Variants in DNM3 observed in about 807,000 individuals in gnomAD.
The protein encoded by DNM3 is dynamin-3.
A neutral mutation model predicts 101.6 loss-of-function variants in DNM3; 47 were observed. That is an observed-to-expected ratio of 0.46 (90% CI 0.37 to 0.59). DNM3 has a LOEUF of 0.59. DNM3 is among the 20% of genes least tolerant of loss of function. The pLI is 0.00. For synonymous variants in DNM3, 385 were observed against 387.9 expected (o/e 0.99, Z 0.09); for missense variants, 849 against 1,085.7 (o/e 0.78, Z 3.06).
intron 14 of DNM3, among the ~76,000 whole-genome samples, chr1:172,203,062 A>G (rs981387043): frequency 1.2e-4 from 19 of 152,182 alleles, no homozygotes; most frequent in African/African-American, 4.1e-4. Context: ...GGGCTAACGG[A>G]TCATTAAAAA....
In DNM3 at chr1:172,138,016, A is replaced by G. The variant is rs1364427116; in HGVS notation, c.1659+6728A>G. On this transcript the variant is annotated intron_variant, in intron 14 of 20. Transcript: ENST00000627582. Reference sequence around the variant, plus strand: ...TGAAAGTTTATAGTGATGGAAGCATAGGTTGCAAGTGAATGTGTTGGCCTT... The same window carrying G: ...TGAAAGTTTATAGTGATGGAAGCATGGGTTGCAAGTGAATGTGTTGGCCTT... The G allele has an allele frequency of 2.0e-5, 3 of 152,158 alleles. No homozygotes were observed. In the East Asian group the frequency reaches 5.8e-4, roughly 29 times the overall value. The allele number at this position is 152,158 out of a possible 1,614,324, so 9.4% of individuals were successfully genotyped here. A position where few individuals can be genotyped will look rare whatever the true frequency, so the allele number is the denominator to read the frequency against.
intron 17 of DNM3, among the ~76,000 whole-genome samples, chr1:172,370,991 G>T (rs1042830137): frequency 2.0e-5 from 3 of 151,972 alleles, no homozygotes; most frequent in Admixed American, 1.3e-4. Flanking sequence ...AGAAGTGTTT[G>T]TATCTGTGGG....
chr1:172,208,116 G>T (rs2060384901), intron 14 of DNM3, among the ~76,000 whole-genome samples: 1 of 152,004 alleles, frequency 6.6e-6, no homozygotes, highest in Non-Finnish European at 1.5e-5. Context: ...AAACCCAAGT[G>T]AGAATTTTGA....
intron 1 of DNM3, among the ~76,000 whole-genome samples, chr1:171,892,174 C>CGT (rs1268192738): frequency 6.7e-6 from 1 of 150,236 alleles, no homozygotes; most frequent in South Asian, 2.1e-4. Context: ...TGTGTGTGTG[C>CGT]GTGTGTGTGT....
rs561610793 is a variant in DNM3, at chr1:172,093,790, G to C, written c.1545+915G>C. 5.2e-5 allele frequency: 78 copies of C among 1,497,726 alleles called. No homozygotes were observed. The African/African-American group carries it at 9.6e-4, about 18-fold the overall frequency. The allele number at this position is 1,497,726 out of a possible 1,614,324, so 92.8% of individuals were successfully genotyped here. ...ATTTAGCTTCCCAAGGGCACAGTTT[G>C]TCTTTAACTGATTAACTCAACTAGC... On this transcript the variant is annotated intron_variant, in intron 13 of 20. Coordinates refer to ENST00000627582, the MANE Select transcript of DNM3 (RefSeq NM_015569.5).
chr1:172,312,487 A>G (rs779600643), intron 16 of DNM3, among the ~76,000 whole-genome samples: 1 of 152,204 alleles, frequency 6.6e-6, no homozygotes, highest in Non-Finnish European at 1.5e-5. Context: ...GTAAGGTTAC[A>G]TATGCTCACT....
intron 14 of DNM3, among the ~76,000 whole-genome samples, chr1:172,199,591 C>A (rs1398361916): frequency 6.6e-6 from 1 of 152,042 alleles, no homozygotes; most frequent in Non-Finnish European, 1.5e-5. Flanking sequence ...CTGGGTGCTC[C>A]TGTGTTGGGT....
rs1194031728 is a variant in DNM3, at chr1:171,866,929, C to A, written c.161+25112C>A. ...GATCATGTAGGTATCACTGTCAAAG[C>A]AGTCACACTCAGTTGTACTTTTAGG... On this transcript the variant is annotated intron_variant, in intron 1 of 20. Coordinates refer to ENST00000627582, the MANE Select transcript of DNM3 (RefSeq NM_015569.5). 2.6e-5 allele frequency among the ~76,000 whole-genome samples: 4 copies of A among 152,204 alleles called. 1 individual carries two copies. Among genetic ancestry groups the A allele is most frequent in the Admixed American group, 2.6e-4 (4 of 15,278 alleles).
At chr1:172,160,980 T>G (rs999728897) in intron 14 of DNM3, among the ~76,000 whole-genome samples, 2 of 151,910 alleles carry the variant, frequency 1.3e-5, no homozygotes, top group Admixed American at 6.6e-5. Context: ...TGTTATGTGT[T>G]GCATGATAGT....
At chr1:171,950,260 T>C (rs2042433405) in intron 2 of DNM3, among the ~76,000 whole-genome samples, 1 of 152,150 alleles carries the variant, frequency 6.6e-6, no homozygotes, top group Non-Finnish European at 1.5e-5. Context: ...ACTTACAGGG[T>C]TCAGCTTAAC....
chr1:172,314,092 C>T (rs916866354), intron 16 of DNM3, among the ~76,000 whole-genome samples: 1 of 152,140 alleles, frequency 6.6e-6, no homozygotes, highest in Non-Finnish European at 1.5e-5. Flanking sequence ...TTTGACTCAG[C>T]AATCCCATTA....
chr1:172,306,074 A>G (rs1244787423), intron 15 of DNM3, among the ~76,000 whole-genome samples: 3 of 152,342 alleles, frequency 2.0e-5, no homozygotes, highest in Admixed American at 1.3e-4. Flanking sequence ...TTCAGTTAGG[A>G]AAAGAGGAAG....
At chr1:172,076,678 G>A (rs2125971024) in intron 11 of DNM3, among the ~76,000 whole-genome samples, 1 of 152,272 alleles carries the variant, frequency 6.6e-6, no homozygotes, top group Middle Eastern at 3.4e-3. Context: ...ACTTGATCAT[G>A]GTGGAGAAGC....
intron 2 of DNM3, among the ~76,000 whole-genome samples, chr1:171,951,559 A>C (rs1284253206): frequency 1.3e-5 from 2 of 152,188 alleles, no homozygotes; most frequent in Non-Finnish European, 2.9e-5. Context: ...AGTGAAGACC[A>C]TGCCTTATTT....
At chr1:172,284,225 G>A (rs1454517100) in intron 15 of DNM3, among the ~76,000 whole-genome samples, 2 of 152,106 alleles carry the variant, frequency 1.3e-5, no homozygotes, top group Non-Finnish European at 1.5e-5. Context: ...AAACCACTAG[G>A]AGCTTTGTAA....
At chr1:172,358,911 C>T (rs2067589848) in intron 17 of DNM3, among the ~76,000 whole-genome samples, 1 of 151,912 alleles carries the variant, frequency 6.6e-6, no homozygotes, top group Non-Finnish European at 1.5e-5. Flanking sequence ...AAAAAAAAGC[C>T]ACAGACAGAG....
chr1:172,305,864 T>G (rs1277816006), intron 15 of DNM3, among the ~76,000 whole-genome samples: 1 of 152,160 alleles, frequency 6.6e-6, no homozygotes, highest in Non-Finnish European at 1.5e-5. Flanking sequence ...ATTAACTAGG[T>G]ACTGATGGAA....
At chr1:172,018,090 A>T (rs944596876) in intron 4 of DNM3, among the ~76,000 whole-genome samples, 6 of 151,916 alleles carry the variant, frequency 3.9e-5, no homozygotes, top group Non-Finnish European at 5.9e-5. Flanking sequence ...GTGTGTTTTT[A>T]TATTTAAAGT....
At chr1:172,356,192 T>A (rs907569235) in intron 17 of DNM3, among the ~76,000 whole-genome samples, 1 of 152,110 alleles carries the variant, frequency 6.6e-6, no homozygotes, top group Admixed American at 6.6e-5. Context: ...CGAAAAAATG[T>A]ACTTTAGGAA....
Sources: gnomAD v4.1 joint callset for allele counts (sites outside exome capture counted in the v4.1 genomes callset) on GRCh38, gnomAD v4.1.1 for gene constraint, MANE v1.5 for transcripts, NCBI Gene and HGNC (gene_info 2026-07-23, HGNC 2026-07-21) for gene names.